FARP1: variants seen among roughly 807,000 people sequenced by gnomAD.
The protein encoded by FARP1 is FERM, ARHGEF and pleckstrin domain-containing protein 1.
Under a neutral mutation model 128.8 loss-of-function variants are expected in FARP1, and 52 were observed. That is an observed-to-expected ratio of 0.40 (90% CI 0.32 to 0.51). The LOEUF is 0.51. Among genes scored for constraint, FARP1 ranks in the 20% least tolerant of loss-of-function variants. FARP1 has a pLI of 0.45. For synonymous variants in FARP1, 580 were observed against 551.8 expected (o/e 1.05, Z -0.72); for missense variants, 1,333 against 1,367.9 (o/e 0.97, Z 0.40).
At chr13:98,285,051 A>G (rs1029683749) in intron 2 of FARP1, among the ~76,000 whole-genome samples, 4 of 152,194 alleles carry the variant, frequency 2.6e-5, no homozygotes, top group Non-Finnish European at 4.4e-5. Flanking sequence ...CCATGTTGCT[A>G]CTTTTCCAAA....
intron 2 of FARP1, among the ~76,000 whole-genome samples, chr13:98,276,980 C>A (rs1486844544): frequency 6.6e-6 from 1 of 152,116 alleles, no homozygotes; most frequent in African/African-American, 2.4e-5. Context: ...GTTTTGATTG[C>A]AAAAGGTGAT....
intron 2 of FARP1, among the ~76,000 whole-genome samples, chr13:98,319,383 G>T (rs1886889542): frequency 6.6e-6 from 1 of 152,232 alleles, no homozygotes; most frequent in African/African-American, 2.4e-5. Flanking sequence ...CACTTTGGGA[G>T]GCTGAGGCAG....
At chr13:98,381,030 C>G (rs1458087540) in intron 6 of FARP1, among the ~76,000 whole-genome samples, 1 of 152,174 alleles carries the variant, frequency 6.6e-6, no homozygotes, top group African/African-American at 2.4e-5. Flanking sequence ...CATTTTCCCC[C>G]CAGAAACCAG....
intron 3 of FARP1, among the ~76,000 whole-genome samples, chr13:98,346,207 T>TTTTTTTG (rs1888171315): frequency 9.2e-6 from 1 of 108,138 alleles, no homozygotes. Flanking sequence ...TTTTTTTTTT[T>TTTTTTTG]GAGAAGGTGT....
At chr13:98,260,713 T>C (rs1295057630) in intron 2 of FARP1, among the ~76,000 whole-genome samples, 1 of 152,246 alleles carries the variant, frequency 6.6e-6, no homozygotes, top group Non-Finnish European at 1.5e-5. Flanking sequence ...TTCAAGGCTG[T>C]GAGTTCTAAC....
chr13:98,264,451 G>T (rs1006357699), intron 2 of FARP1, among the ~76,000 whole-genome samples: 1 of 152,130 alleles, frequency 6.6e-6, no homozygotes, highest in Non-Finnish European at 1.5e-5. Flanking sequence ...CTCCCCGTCC[G>T]CCAGTCACTC....
At chr13:98,345,632 T>C (rs1888148942) in intron 3 of FARP1, 1 of 151,736 alleles carries the variant, frequency 6.6e-6, no homozygotes, top group African/African-American at 2.4e-5. Context: ...TTGTCACATG[T>C]CACACAAAAG....
chr13:98,289,425 C>T (rs1218364816), intron 2 of FARP1, among the ~76,000 whole-genome samples: 2 of 152,162 alleles, frequency 1.3e-5, no homozygotes, highest in Non-Finnish European at 2.9e-5. Flanking sequence ...ATACTTAATG[C>T]TTTAAAAAAT....
chr13:98,182,040 T>G (rs1303223400), intron 1 of FARP1, among the ~76,000 whole-genome samples: 1 of 152,176 alleles, frequency 6.6e-6, no homozygotes, highest in South Asian at 2.1e-4. Flanking sequence ...TAATTTCTTA[T>G]AAACTATGAG....
At chr13:98,403,904 G>A (rs559719474) in intron 13 of FARP1, 1 of 152,528 alleles carries the variant, frequency 6.6e-6, no homozygotes, top group Non-Finnish European at 1.5e-5. Flanking sequence ...CATTGTAACT[G>A]TTCTTTCCCA....
intron 2 of FARP1, chr13:98,333,940 TCTCCTCCTCCACC>T (rs1184249068): frequency 6.7e-6 from 1 of 150,084 alleles, no homozygotes; most frequent in Non-Finnish European, 1.5e-5. Context: ...TCTTCCAACT[TCTCCTCCTCCACC>T]TTCTCCTCCT....
At chr13:98,239,841 G>A (rs992584048) in intron 2 of FARP1, among the ~76,000 whole-genome samples, 1 of 152,194 alleles carries the variant, frequency 6.6e-6, no homozygotes, top group African/African-American at 2.4e-5. Context: ...TGCTGGTGGG[G>A]CTGCTGGTCC....
rs370558766 is a variant in FARP1 at position 98,274,195 on chromosome 13, G to GA, written c.171+60788dup. Among the ~76,000 whole-genome samples, 346 of 152,190 alleles carry GA rather than the reference G, an allele frequency of 2.3e-3. 1 individual carries two copies. Among genetic ancestry groups the GA allele is most frequent in the African/African-American group, 7.9e-3 (329 of 41,532 alleles). On this transcript the variant is annotated intron_variant, in intron 2 of 26. Transcript: ENST00000319562. ...TATTTTGTCTGTGTGATTGTTAGAGGAAAAAAGTGAAAAGATTTGAAAAAT... is the reference window on the plus strand; with the variant it reads ...TATTTTGTCTGTGTGATTGTTAGAGGAAAAAAAGTGAAAAGATTTGAAAAAT...
At chr13:98,367,316 C>G (rs1889129758) in intron 4 of FARP1, among the ~76,000 whole-genome samples, 1 of 152,178 alleles carries the variant, frequency 6.6e-6, no homozygotes, top group South Asian at 2.1e-4. Context: ...GCCACCACGC[C>G]TGACTAATTT....
intron 17 of FARP1, among the ~76,000 whole-genome samples, chr13:98,429,818 C>T (rs1390761286): frequency 6.6e-6 from 1 of 152,330 alleles, no homozygotes; most frequent in Admixed American, 6.5e-5. Flanking sequence ...TTGGGCTACT[C>T]GCCTGTGCCA....
chr13:98,231,707 G>C (rs148063616), intron 2 of FARP1, among the ~76,000 whole-genome samples: 1 of 152,088 alleles, frequency 6.6e-6, no homozygotes, highest in Non-Finnish European at 1.5e-5. Flanking sequence ...CGAAAGTGTT[G>C]GTGAGCCACC....
At chr13:98,242,390 T>C (rs1173518624) in intron 2 of FARP1, among the ~76,000 whole-genome samples, 2 of 152,136 alleles carry the variant, frequency 1.3e-5, no homozygotes, top group Non-Finnish European at 2.9e-5. Context: ...TTTTAAAAAT[T>C]TGGGGCCAGA....
intron 2 of FARP1, among the ~76,000 whole-genome samples, chr13:98,309,153 CTTTTTTTTTTTTT>C (rs56030081): frequency 1.9e-4 from 17 of 89,670 alleles, no homozygotes; most frequent in East Asian, 3.6e-4. Context: ...TTTAAGAGGC[CTTTTTTTTTTTTT>C]TTTTTTTTTT....
At position 98,266,809 on chromosome 13, in the gene FARP1, C is replaced by G. The variant is rs7336510; in HGVS notation, c.171+53396C>G. Among the ~76,000 whole-genome samples, 742 of 151,934 alleles carry G rather than the reference C, an allele frequency of 4.9e-3. 3 individuals carry two copies. Among genetic ancestry groups the G allele is most frequent in the African/African-American group, 0.017 (699 of 41,442 alleles). ...GGTGGATCGCTTGAGGTCAGGAGTT[C>G]GAGACCAGCCTGGCCAACATAAGTG... On this transcript the variant is annotated intron_variant, in intron 2 of 26. Coordinates refer to ENST00000319562, the MANE Select transcript of FARP1 (RefSeq NM_005766.4).
Sources: allele counts gnomAD v4.1 joint callset (sites outside exome capture counted in the v4.1 genomes callset), GRCh38; gene constraint gnomAD v4.1.1; transcripts MANE v1.5; gene names NCBI Gene and HGNC (gene_info 2026-07-23, HGNC 2026-07-21).